The following ARHGAP10 variants were observed in gnomAD, a reference collection of about 807,000 sequenced individuals.
ARHGAP10 encodes rho GTPase-activating protein 10.
ARHGAP10 carries 87 observed loss-of-function variants against 108.6 expected under a neutral mutation model. That is an observed-to-expected ratio of 0.80 (90% CI 0.67 to 0.96). ARHGAP10 has a LOEUF of 0.96. Ranked by LOEUF, ARHGAP10 falls within the 40% of genes least tolerant of loss-of-function variation. ARHGAP10 has a pLI of 0.00. For missense variants in ARHGAP10, 939 were observed against 954.5 expected (o/e 0.98, Z 0.21); for synonymous variants, 347 against 341.1 (o/e 1.02, Z -0.19).
At chr4:147,775,836 C>G (rs1312109722) in intron 1 of ARHGAP10, among the ~76,000 whole-genome samples, 1 of 152,090 alleles carries the variant, frequency 6.6e-6, no homozygotes, top group Non-Finnish European at 1.5e-5. Flanking sequence ...AATAATATCA[C>G]TAATACTGAT....
chr4:147,761,178 A>T (rs1482323998), intron 1 of ARHGAP10, among the ~76,000 whole-genome samples: 2 of 151,810 alleles, frequency 1.3e-5, no homozygotes, highest in Non-Finnish European at 2.9e-5. Flanking sequence ...CACCATGCCC[A>T]GCTGATTTTT....
chr4:147,926,273 G>A (rs936745559), intron 13 of ARHGAP10, among the ~76,000 whole-genome samples: 3 of 152,198 alleles, frequency 2.0e-5, no homozygotes, highest in East Asian at 1.9e-4. Flanking sequence ...GGGTAAGATG[G>A]AAGGCAGGGC....
chr4:147,911,792 T>C (rs944618117), intron 12 of ARHGAP10, among the ~76,000 whole-genome samples: 2 of 152,184 alleles, frequency 1.3e-5, no homozygotes, highest in African/African-American at 4.8e-5. Flanking sequence ...TGCTCTGCCA[T>C]ATGAATCATC....
intron 13 of ARHGAP10, among the ~76,000 whole-genome samples, chr4:147,914,831 C>T (rs1736898415): frequency 6.6e-6 from 1 of 152,108 alleles, no homozygotes; most frequent in Non-Finnish European, 1.5e-5. Context: ...CCTCCGCTGA[C>T]CAATAACCCA....
rs182294059 is a variant in ARHGAP10, at chr4:147,960,588, G to A, written c.1451-4436G>A. On this transcript the variant is annotated intron_variant, in intron 16 of 22. Coordinates refer to ENST00000336498, the MANE Select transcript of ARHGAP10 (RefSeq NM_024605.4). ...ACTTAAAATTTACCAGTTTATTTTA[G>A]GATGAGATTTATTATGGGTAGCTTT... 2.0e-5 allele frequency among the ~76,000 whole-genome samples: 3 copies of A among 152,318 alleles called. No individual in the cohort carries two copies. In the East Asian group the frequency reaches 5.8e-4, roughly 29 times the overall value.
chr4:147,975,888 T>A (rs1462574596), intron 18 of ARHGAP10, among the ~76,000 whole-genome samples: 2 of 152,224 alleles, frequency 1.3e-5, no homozygotes, highest in East Asian at 1.9e-4. Flanking sequence ...TCACTCTTGT[T>A]AACCCTGCAA....
intron 18 of ARHGAP10, among the ~76,000 whole-genome samples, chr4:147,971,410 T>C (rs1739400118): frequency 6.6e-6 from 1 of 152,036 alleles, no homozygotes; most frequent in African/African-American, 2.4e-5. Flanking sequence ...AGCTACAAGA[T>C]ATGGCAGAGA....
chr4:147,844,475 C>T (rs1306211806), intron 3 of ARHGAP10, among the ~76,000 whole-genome samples: 1 of 152,166 alleles, frequency 6.6e-6, no homozygotes, highest in African/African-American at 2.4e-5. Flanking sequence ...ATCCCTACCT[C>T]CCCCCTACTA....
rs555923451 is a variant in ARHGAP10 at position 147,946,660 on chromosome 4, T to C, written c.1347T>C (p.Asp449=). ...CNEVDLENSA[D]WEVKTITSAL... is the part of the protein sequence containing the mutation. ...AGGTGGACCTGGAGAATTCTGCAGA[T>C]TGGGAAGTGAAGACAATAACAAGTG... The change falls in exon 15 of 23, where the codon GAT becomes GAC. Residue 449 remains aspartate (D), a synonymous_variant. Coordinates refer to ENST00000336498, the MANE Select transcript of ARHGAP10 (RefSeq NM_024605.4). 2.7e-5 allele frequency: 44 copies of C among 1,612,754 alleles called. No homozygotes were observed. Among genetic ancestry groups the C allele is most frequent in the South Asian group, 2.6e-4 (24 of 90,650 alleles).
chr4:148,006,387 A>C (rs1308744963), intron 18 of ARHGAP10, among the ~76,000 whole-genome samples: 4 of 152,238 alleles, frequency 2.6e-5, no homozygotes, highest in Admixed American at 1.3e-4. Flanking sequence ...TGGGAACGTC[A>C]AATATATGAC....
intron 19 of ARHGAP10, among the ~76,000 whole-genome samples, chr4:148,031,574 G>A (rs1046212367): frequency 1.3e-5 from 2 of 152,106 alleles, no homozygotes; most frequent in African/African-American, 2.4e-5. Context: ...TCTCTTCCCT[G>A]GAGTCAACAG....
At chr4:147,979,797 T>C (rs1042600922) in intron 18 of ARHGAP10, among the ~76,000 whole-genome samples, 2 of 152,198 alleles carry the variant, frequency 1.3e-5, no homozygotes, top group Admixed American at 6.5e-5. Context: ...TGTGTGGCTA[T>C]TGTAAATGGG....
intron 10 of ARHGAP10, among the ~76,000 whole-genome samples, chr4:147,905,822 G>A (rs1209334659): frequency 6.6e-6 from 1 of 151,664 alleles, no homozygotes; most frequent in African/African-American, 2.4e-5. Flanking sequence ...ATTACCTTGG[G>A]CAGTATGGCC....
chr4:148,060,831 A>G (rs1425285655), intron 20 of ARHGAP10, among the ~76,000 whole-genome samples: 1 of 152,216 alleles, frequency 6.6e-6, no homozygotes, highest in Non-Finnish European at 1.5e-5. Flanking sequence ...GGTTAGTGCT[A>G]GATCACATAG....
rs1038236402 is a variant in ARHGAP10, at chr4:147,985,314, G to T, written c.1716+18475G>T. The stretch of plus-strand genomic sequence containing the variant: ...GGTGGCTCAGGCTACTGATCCAGGT[G>T]AGCAGGTGCTCTGAATGCATGGAAA... On this transcript the variant is annotated intron_variant, in intron 18 of 22. Transcript: ENST00000336498. 2.0e-5 allele frequency among the ~76,000 whole-genome samples: 3 copies of T among 152,150 alleles called. No individual in the cohort carries two copies. In the South Asian group the frequency reaches 6.2e-4, roughly 32 times the overall value.
At chr4:147,843,158 G>A (rs958890030) in intron 3 of ARHGAP10, among the ~76,000 whole-genome samples, 2 of 152,108 alleles carry the variant, frequency 1.3e-5, no homozygotes, top group East Asian at 3.8e-4. Flanking sequence ...ATTTTGACTC[G>A]TATGACAGGC....
Position 148,072,378 on chromosome 4 carries a change from G to A in ARHGAP10, c.*297G>A. The A allele has an allele frequency of 3.1e-6, 1 of 327,800 alleles. No individual in the cohort carries two copies. Among genetic ancestry groups the A allele is most frequent in the Non-Finnish European group, 5.5e-6 (1 of 180,190 alleles). The allele number at this position is 327,800 out of a possible 1,614,324, so 20.3% of individuals were successfully genotyped here. On this transcript the variant is annotated 3_prime_UTR_variant, in exon 23 of 23. Coordinates refer to ENST00000336498, the MANE Select transcript of ARHGAP10 (RefSeq NM_024605.4). ...TCCAGCATATAGAATGAGAGGGAGGGCAGCCTTCTGCCACCTGTGTCGCCT... is the reference window on the plus strand; with the variant it reads ...TCCAGCATATAGAATGAGAGGGAGGACAGCCTTCTGCCACCTGTGTCGCCT...
At chr4:147,861,532 TC>T (rs893497696) in intron 5 of ARHGAP10, 1 of 152,394 alleles carries the variant, frequency 6.6e-6, no homozygotes, top group Non-Finnish European at 1.5e-5. Context: ...CAAGTTCTTG[TC>T]CCACATCCAA....
chr4:147,823,410 AGG>A (rs1732584885), intron 3 of ARHGAP10, among the ~76,000 whole-genome samples: 2 of 152,094 alleles, frequency 1.3e-5, no homozygotes, highest in Non-Finnish European at 2.9e-5. Context: ...TGGGCCTTGG[AGG>A]TCTTTGAGAT....
Sources: allele counts gnomAD v4.1 joint callset (sites outside exome capture counted in the v4.1 genomes callset), GRCh38; gene constraint gnomAD v4.1.1; transcripts MANE v1.5; gene names NCBI Gene and HGNC (gene_info 2026-07-23, HGNC 2026-07-21).